CTNNA3: variants seen among roughly 807,000 people sequenced by gnomAD.
The protein encoded by CTNNA3 is catenin alpha-3.
CTNNA3 carries 76 observed loss-of-function variants against 95.7 expected under a neutral mutation model. The ratio of observed to expected loss-of-function variants is 0.79; its 90% confidence interval spans 0.66 to 0.96. The LOEUF (loss-of-function observed/expected upper bound fraction) is 0.96, where lower values mean the gene tolerates loss of function less well. CTNNA3 is among the 40% of genes least tolerant of loss of function. The pLI is 0.00. For missense variants in CTNNA3, 1,191 were observed against 1,089.8 expected, an observed-to-expected ratio of 1.09 and a Z score of -1.31; for synonymous variants, 431 against 374.4, an observed-to-expected ratio of 1.15 and a Z score of -1.74.
chr10:66,700,134 GCTTTTTATAGTCCCA>G (rs1275037452), intron 9 of CTNNA3, among the ~76,000 whole-genome samples: 2 of 152,016 alleles, frequency 1.3e-5, no homozygotes, highest in Non-Finnish European at 2.9e-5. Flanking sequence ...TTATACAAAA[GCTTTTTATAGTCCCA>G]CTTGTTTAAT....
intron 13 of CTNNA3, among the ~76,000 whole-genome samples, chr10:66,114,283 T>C (rs577464970): frequency 1.5e-3 from 223 of 152,256 alleles, no homozygotes; most frequent in Admixed American, 6.0e-3. Flanking sequence ...TCTATAGATA[T>C]TAAAATAAGA....
intron 3 of CTNNA3, among the ~76,000 whole-genome samples, chr10:67,573,410 G>A (rs1191032599): frequency 1.3e-5 from 2 of 152,098 alleles, no homozygotes; most frequent in Non-Finnish European, 2.9e-5. Flanking sequence ...ACATGGAAGA[G>A]ACAACATTCC....
chr10:65,936,430 A>G (rs1482594987), intron 17 of CTNNA3, among the ~76,000 whole-genome samples: 6 of 152,104 alleles, frequency 3.9e-5, no homozygotes, highest in African/African-American at 1.4e-4. Flanking sequence ...TGATGGCATC[A>G]AGCTGTCTTG....
At chr10:67,721,073 G>A (rs1426576048) in intron 1 of CTNNA3, among the ~76,000 whole-genome samples, 1 of 152,178 alleles carries the variant, frequency 6.6e-6, no homozygotes, top group Non-Finnish European at 1.5e-5. Context: ...CTCTCAGGCT[G>A]CCCTTAATTT....
At chr10:66,043,380 C>G (rs2079749585) in intron 15 of CTNNA3, among the ~76,000 whole-genome samples, 1 of 152,236 alleles carries the variant, frequency 6.6e-6, no homozygotes, top group Admixed American at 6.5e-5. Flanking sequence ...TAAGAGAGCA[C>G]TGTGGAGTTA....
intron 7 of CTNNA3, among the ~76,000 whole-genome samples, chr10:67,006,224 A>G (rs532014637): frequency 4.4e-4 from 67 of 152,232 alleles, no homozygotes; most frequent in African/African-American, 1.5e-3. Flanking sequence ...TCAGGATTTA[A>G]GTTTACTTCT....
At chr10:66,221,703 T>C (rs2088938131) in intron 13 of CTNNA3, among the ~76,000 whole-genome samples, 1 of 152,186 alleles carries the variant, frequency 6.6e-6, no homozygotes, top group Non-Finnish European at 1.5e-5. Context: ...AAATGCTAGA[T>C]GAATGAATGA....
At chr10:66,226,023 A>C (rs2089269149) in intron 13 of CTNNA3, among the ~76,000 whole-genome samples, 1 of 152,086 alleles carries the variant, frequency 6.6e-6, no homozygotes, top group Admixed American at 6.6e-5. Context: ...TTACTTCTTC[A>C]TTCTTCACTC....
intron 13 of CTNNA3, among the ~76,000 whole-genome samples, chr10:66,228,641 G>T (rs544907731): frequency 1.3e-5 from 2 of 152,120 alleles, no homozygotes; most frequent in African/African-American, 4.8e-5. Context: ...TTCTCTACTT[G>T]TATATTAGGT....
intron 5 of CTNNA3, among the ~76,000 whole-genome samples, chr10:67,254,423 A>T (rs530074244): frequency 1.7e-4 from 26 of 152,330 alleles, no homozygotes; most frequent in Middle Eastern, 3.4e-3. Flanking sequence ...CATTATCACC[A>T]TTCTTATTGA....
intron 5 of CTNNA3, among the ~76,000 whole-genome samples, chr10:67,301,929 A>G (rs1840298355): frequency 6.6e-6 from 1 of 150,616 alleles, no homozygotes; most frequent in Non-Finnish European, 1.5e-5. Context: ...AGATCGCGCC[A>G]CTGCACCCCA....
At chr10:67,012,818 C>T (rs1256271756) in intron 7 of CTNNA3, among the ~76,000 whole-genome samples, 1 of 151,946 alleles carries the variant, frequency 6.6e-6, no homozygotes, top group Non-Finnish European at 1.5e-5. Flanking sequence ...AAAAGCGATC[C>T]TAGAAAATAT....
rs1008750769 is a variant in CTNNA3, at chr10:67,743,572, T to C, written c.-2+19862A>G. Among the ~76,000 whole-genome samples the C allele has an allele frequency of 1.2e-4, 18 of 151,436 alleles. 2 individuals are homozygous for C. Among genetic ancestry groups the C allele is most frequent in the African/African-American group, 3.6e-4 (15 of 41,410 alleles). ...AATGAATGGGCAAAAACTGGAAGCA[T>C]TGCCTTTGAAAATGGGCACAAGACA... On this transcript the variant is annotated intron_variant, in intron 1 of 17. Coordinates refer to the CTNNA3 transcript ENST00000684154.
chr10:66,909,310 T>C (rs1008639461), intron 7 of CTNNA3, among the ~76,000 whole-genome samples: 1 of 151,766 alleles, frequency 6.6e-6, no homozygotes. Context: ...AGGCTGGGAG[T>C]TCGAGACCAG....
intron 9 of CTNNA3, among the ~76,000 whole-genome samples, chr10:66,676,021 T>G (rs1474807281): frequency 1.3e-5 from 2 of 152,070 alleles, no homozygotes; most frequent in African/African-American, 4.8e-5. Flanking sequence ...TCTAAATCAT[T>G]GGAAGAAAGC....
At chr10:66,458,387 GTT>G (rs2093508328) in intron 11 of CTNNA3, among the ~76,000 whole-genome samples, 1 of 152,102 alleles carries the variant, frequency 6.6e-6, no homozygotes, top group Non-Finnish European at 1.5e-5. Context: ...TTTAAAAAGT[GTT>G]AAACTTATAT....
intron 10 of CTNNA3, among the ~76,000 whole-genome samples, chr10:66,546,833 CA>C (rs1842048546): frequency 6.6e-6 from 1 of 152,118 alleles, no homozygotes; most frequent in Non-Finnish European, 1.5e-5. Flanking sequence ...GGGACACAGC[CA>C]AACCATAGTC....
rs1304756814 is a variant in CTNNA3 at position 67,527,999 on chromosome 10, A to G, written c.460-6038T>C. 2.6e-5 allele frequency among the ~76,000 whole-genome samples: 4 copies of G among 152,146 alleles called. No homozygotes were observed. In the South Asian group the frequency reaches 6.2e-4, roughly 24 times the overall value. On this transcript the variant is annotated intron_variant, in intron 4 of 17. Transcript: ENST00000433211. ...TCATTCTGCTCATTAAACAAAGCCA[A>G]TTTTGCAAGTTTCAATATAAAATCA...
At chr10:67,211,650 A>G (rs1191248089) in intron 6 of CTNNA3, among the ~76,000 whole-genome samples, 2 of 152,196 alleles carry the variant, frequency 1.3e-5, no homozygotes, top group Non-Finnish European at 2.9e-5. Context: ...CTCTACTCAT[A>G]TAATTCATCC....
Sources: gnomAD v4.1 joint callset for allele counts (sites outside exome capture counted in the v4.1 genomes callset) on GRCh38, gnomAD v4.1.1 for gene constraint, MANE v1.5 for transcripts, NCBI Gene and HGNC (gene_info 2026-07-23, HGNC 2026-07-21) for gene names.